Variants in IFT88 observed in about 807,000 individuals in gnomAD.
The protein encoded by IFT88 is intraflagellar transport 88, also known as intraflagellar transport protein 88 homolog.
IFT88 carries 74 observed loss-of-function variants against 119.5 expected under a neutral mutation model. That is an observed-to-expected ratio of 0.62 (90% CI 0.51 to 0.75). IFT88 has a LOEUF of 0.75. IFT88 is among the 30% of genes least tolerant of loss of function. The pLI is 0.00. For synonymous variants in IFT88, 279 were observed against 316.7 expected, an observed-to-expected ratio of 0.88 and a Z score of 1.26; for missense variants, 961 against 977.7, an observed-to-expected ratio of 0.98 and a Z score of 0.23.
intron 3 of IFT88, among the ~76,000 whole-genome samples, chr13:20,587,605 C>A (rs972920282): frequency 6.6e-6 from 1 of 151,996 alleles, no homozygotes; most frequent in Non-Finnish European, 1.5e-5. Context: ...CTTGTACTCT[C>A]GTTGTGGGTT....
At chr13:20,580,867 AG>A in intron 2 of IFT88, among the ~76,000 whole-genome samples, 1 of 151,666 alleles carries the variant, frequency 6.6e-6, no homozygotes, top group Non-Finnish European at 1.5e-5. Context: ...CTGGGACTAC[AG>A]GCGCCCGCCA....
intron 3 of IFT88, among the ~76,000 whole-genome samples, chr13:20,583,442 C>T (rs2039086300): frequency 6.6e-6 from 1 of 151,994 alleles, no homozygotes; most frequent in Non-Finnish European, 1.5e-5. Context: ...ATGTTTATAC[C>T]ACATTTTGTT....
At chr13:20,640,998 T>G (rs1016069352) in intron 17 of IFT88, among the ~76,000 whole-genome samples, 2 of 152,026 alleles carry the variant, frequency 1.3e-5, no homozygotes, top group African/African-American at 4.8e-5. Flanking sequence ...ATACAAAAAA[T>G]TAGCTGGGCG....
intron 7 of IFT88, among the ~76,000 whole-genome samples, chr13:20,593,857 C>T (rs1461655224): frequency 2.6e-5 from 4 of 151,760 alleles, no homozygotes; most frequent in South Asian, 2.1e-4. Flanking sequence ...CAAGACTAGC[C>T]TGGGCAACAT....
intron 14 of IFT88, among the ~76,000 whole-genome samples, chr13:20,617,732 C>T (rs1019252793): frequency 1.3e-5 from 2 of 152,132 alleles, no homozygotes; most frequent in Non-Finnish European, 2.9e-5. Flanking sequence ...CTGAGTGGGT[C>T]ATTACTGGAA....
rs2057023377 is a variant in IFT88 at position 20,679,068 on chromosome 13, T to G, written c.2242+8029T>G. The stretch of plus-strand genomic sequence containing the variant: ...AGTTTTACAATATCTAAAGATAAAT[T>G]TCCAGTATGACCCTTTAAATGTCTC... On this transcript the variant is annotated intron_variant, in intron 24 of 25. Transcript: ENST00000351808. Among the ~76,000 whole-genome samples, 3 of 152,200 alleles carry G rather than the reference T, an allele frequency of 2.0e-5. No individual in the cohort carries two copies. In the South Asian group the frequency reaches 6.2e-4, roughly 32 times the overall value.
chr13:20,655,505 CATTTT>C (rs749413547), intron 21 of IFT88, among the ~76,000 whole-genome samples: 3 of 151,644 alleles, frequency 2.0e-5, no homozygotes, highest in Non-Finnish European at 2.9e-5. Context: ...TTCATTCATT[CATTTT>C]GAGACAGAGT....
At chr13:20,630,164 C>T (rs964969721) in intron 15 of IFT88, among the ~76,000 whole-genome samples, 12 of 152,082 alleles carry the variant, frequency 7.9e-5, no homozygotes, top group Non-Finnish European at 1.8e-4. Context: ...CCTTCTGAAA[C>T]TCCAATTACA....
chr13:20,574,125 G>C (rs571699848), intron 1 of IFT88, among the ~76,000 whole-genome samples: 6 of 152,244 alleles, frequency 3.9e-5, no homozygotes, highest in Admixed American at 3.3e-4. Flanking sequence ...TCAAGAAATT[G>C]AGTCCAGCCT....
At chr13:20,688,895 T>C (rs146584401) in intron 24 of IFT88, among the ~76,000 whole-genome samples, 113 of 152,172 alleles carry the variant, frequency 7.4e-4, no homozygotes, top group African/African-American at 2.6e-3. Flanking sequence ...CCCAGCCAAG[T>C]TTTATTTTTT....
chr13:20,618,411 C>A (rs982898242), intron 14 of IFT88, among the ~76,000 whole-genome samples: 1 of 152,204 alleles, frequency 6.6e-6, no homozygotes, highest in Non-Finnish European at 1.5e-5. Flanking sequence ...TATACTGTAA[C>A]TCTTTACCAG....
At chr13:20,632,428 G>A (rs535430801) in intron 16 of IFT88, among the ~76,000 whole-genome samples, 71 of 152,280 alleles carry the variant, frequency 4.7e-4, no homozygotes, top group African/African-American at 1.4e-3. Context: ...TACCAGGGTG[G>A]TAAACTATTA....
At chr13:20,567,917 G>C in intron 1 of IFT88, 1 of 692,590 alleles carries the variant, frequency 1.4e-6, no homozygotes, top group Non-Finnish European at 2.6e-6. Flanking sequence ...AGTAGACCAA[G>C]GGTGTCCAAT....
chr13:20,679,436 TG>T (rs1484809133), intron 24 of IFT88, among the ~76,000 whole-genome samples: 1 of 151,942 alleles, frequency 6.6e-6, no homozygotes, highest in Non-Finnish European at 1.5e-5. Context: ...ACGCCGAGAG[TG>T]CCTCAAAATC....
chr13:20,568,963 G>A (rs1231194974), intron 1 of IFT88, among the ~76,000 whole-genome samples: 2 of 151,910 alleles, frequency 1.3e-5, no homozygotes, highest in Non-Finnish European at 2.9e-5. Context: ...CTCGTGATCC[G>A]CCCGCCTCGG....
intron 15 of IFT88, among the ~76,000 whole-genome samples, chr13:20,626,338 G>C (rs1462726438): frequency 3.9e-5 from 6 of 152,106 alleles, no homozygotes; most frequent in African/African-American, 1.2e-4. Flanking sequence ...GGGATTACAG[G>C]TGTGAGCCAC....
intron 23 of IFT88, among the ~76,000 whole-genome samples, chr13:20,666,989 C>G (rs1566422107): frequency 6.6e-6 from 1 of 152,116 alleles, no homozygotes; most frequent in East Asian, 1.9e-4. Context: ...GTTTTATAAC[C>G]TCTCCCACCC....
At chr13:20,588,383 C>T (rs1386855009) in intron 3 of IFT88, among the ~76,000 whole-genome samples, 1 of 151,810 alleles carries the variant, frequency 6.6e-6, no homozygotes, top group Non-Finnish European at 1.5e-5. Context: ...TTATATGTAC[C>T]CACTTCTGAG....
At chr13:20,602,048 A>G (rs1236482916) in intron 12 of IFT88, 115 bp downstream of exon 12, 22 of 632,692 alleles carry the variant, frequency 3.5e-5, no homozygotes, top group Non-Finnish European at 5.6e-5. Context: ...GCCTGTATCA[A>G]TGTGTTTTAT....
Sources: gnomAD v4.1 joint callset for allele counts (sites outside exome capture counted in the v4.1 genomes callset) on GRCh38, gnomAD v4.1.1 for gene constraint, MANE v1.5 for transcripts, NCBI Gene and HGNC (gene_info 2026-07-23, HGNC 2026-07-21) for gene names.